RUSC2: variants seen among roughly 807,000 people sequenced by gnomAD.
The protein encoded by RUSC2 is AP-4 complex accessory subunit RUSC2.
In RUSC2, 34 loss-of-function variants were observed where a neutral mutation model predicts 122.2. The observed-to-expected ratio is 0.28, with a 90% confidence interval of 0.21 to 0.37. The LOEUF is 0.37. RUSC2 is among the 10% of genes least tolerant of loss of function. The pLI, the probability that RUSC2 is intolerant of heterozygous loss-of-function variation, is 1.00. For synonymous variants in RUSC2, 784 were observed against 790.0 expected, an observed-to-expected ratio of 0.99 and a Z score of 0.13; for missense variants, 1,747 against 1,952.4, an observed-to-expected ratio of 0.89 and a Z score of 1.98.
At chr9:35,520,601 T>C (rs112416436) in intron 1 of RUSC2, among the ~76,000 whole-genome samples, 39 of 152,298 alleles carry the variant, frequency 2.6e-4, no homozygotes, top group African/African-American at 8.9e-4. Context: ...GAGTACACTT[T>C]GATTTTTGCT....
intron 1 of RUSC2, among the ~76,000 whole-genome samples, chr9:35,544,608 G>A (rs1013525449): frequency 2.0e-5 from 3 of 151,914 alleles, no homozygotes; most frequent in South Asian, 2.1e-4. Flanking sequence ...GCCCAGCCTC[G>A]TATGTCTTTT....
rs748598581 is a variant in RUSC2 at position 35,560,513 on chromosome 9, C to A, written c.3873C>A (p.Phe1291Leu). 3.1e-6 allele frequency: 5 copies of A among 1,614,078 alleles called. No homozygotes were observed. The Admixed American group carries it at 8.3e-5, about 27-fold the overall frequency. The change falls in exon 10 of 12, where the codon TTC becomes TTA. Residue 1291 changes from phenylalanine (F) to leucine (L), a missense_variant. Transcript: ENST00000361226. ...YIDGSIEGSR[F>L]PRGSSNSSSE... is the part of the protein sequence containing the mutation. The stretch of plus-strand genomic sequence containing the variant: ...ATGGCTCCATTGAGGGTTCCAGGTT[C>A]CCTCGTGGTAGCAGCAACAGCAGCA...
rs941187093 is a variant in RUSC2 at position 35,561,457 on chromosome 9, AT to A, written c.*77del. 1 of 1,308,786 alleles carries A rather than the reference AT, an allele frequency of 7.6e-7. No homozygotes were observed. Among genetic ancestry groups the A allele is most frequent in the African/African-American group, 1.5e-5 (1 of 67,624 alleles). The allele number at this position is 1,308,786 out of a possible 1,614,324, so 81.1% of individuals were successfully genotyped here. On this transcript the variant is annotated 3_prime_UTR_variant, in exon 12 of 12. Transcript: ENST00000361226. ...AGAGCCCGAGAGCCCTTCCCAAGCC[AT>A]TGGCTTGGCTGCAGAGTAGACTGAG...
At chr9:35,506,245 T>G (rs1363267718) in intron 1 of RUSC2, among the ~76,000 whole-genome samples, 3 of 152,244 alleles carry the variant, frequency 2.0e-5, no homozygotes, top group Admixed American at 2.0e-4. Context: ...TAAAAACCAC[T>G]GAATTGTATA....
At chr9:35,534,079 T>C (rs1265149306) in intron 1 of RUSC2, among the ~76,000 whole-genome samples, 1 of 152,194 alleles carries the variant, frequency 6.6e-6, no homozygotes, top group African/African-American at 2.4e-5. Flanking sequence ...CCCTCAGCAA[T>C]GTGTGAGGGT....
intron 1 of RUSC2, among the ~76,000 whole-genome samples, chr9:35,535,403 A>G (rs1234274947): frequency 6.8e-6 from 1 of 147,550 alleles, no homozygotes; most frequent in African/African-American, 2.5e-5. Flanking sequence ...GGCATTAGCC[A>G]CCGCTCCCGG....
rs1160086617 is a variant in RUSC2, at chr9:35,558,917, C to G, written c.3342-309C>G. ...CACCTTGGGACCCACATCCTAGTAA[C>G]ATGCTTTCTCAGGTATGGGCCCAGG... On this transcript the variant is annotated intron_variant, in intron 8 of 11. Transcript: ENST00000361226. The surrounding 1 kb of genome is among the most constrained non-coding windows in gnomAD (Gnocchi z 4.3). 2.0e-5 allele frequency among the ~76,000 whole-genome samples: 3 copies of G among 152,378 alleles called. No individual in the cohort carries two copies. In the East Asian group the frequency reaches 5.8e-4, roughly 29 times the overall value.
At chr9:35,543,686 C>G (rs992604302) in intron 1 of RUSC2, among the ~76,000 whole-genome samples, 2 of 152,126 alleles carry the variant, frequency 1.3e-5, no homozygotes, top group Admixed American at 6.5e-5. Flanking sequence ...CCAGGCTGGT[C>G]TTGAACTCTT....
intron 5 of RUSC2, 97 bp downstream of exon 5, chr9:35,556,545 C>CTGGGCCCTCTAAGTGCTGGA: frequency 3.0e-6 from 4 of 1,331,136 alleles, no homozygotes; most frequent in South Asian, 1.4e-5. Context: ...TAAGTGCTGG[C>CTGGGCCCTCTAAGTGCTGGA]TGGGCCCAGT....
chr9:35,552,943 A>T (rs1821931672), intron 2 of RUSC2, among the ~76,000 whole-genome samples: 2 of 152,318 alleles, frequency 1.3e-5, no homozygotes, highest in East Asian at 3.9e-4. Flanking sequence ...GAGGAGTTTT[A>T]AAAGGGTAGG....
chr9:35,493,193 A>G (rs1388354895), intron 1 of RUSC2, among the ~76,000 whole-genome samples: 1 of 152,086 alleles, frequency 6.6e-6, no homozygotes, highest in African/African-American at 2.4e-5. Flanking sequence ...GTGTTTATAC[A>G]TTCCCATCAT....
intron 1 of RUSC2, among the ~76,000 whole-genome samples, chr9:35,543,925 G>A (rs963068991): frequency 6.6e-6 from 1 of 152,210 alleles, no homozygotes; most frequent in Non-Finnish European, 1.5e-5. Context: ...TTGTGTACAA[G>A]CTTTAGTGTG....
In RUSC2 at chr9:35,550,140, A is replaced by G. The variant is rs560039895; in HGVS notation, c.2014+1605A>G. ...GGCAGGAGAATCACTTGAATCTGGGATGGAGATTGCAGTGAGCCGAGATCA... is the reference window on the plus strand; with the variant it reads ...GGCAGGAGAATCACTTGAATCTGGGGTGGAGATTGCAGTGAGCCGAGATCA... On this transcript the variant is annotated intron_variant, in intron 2 of 11. Transcript: ENST00000361226. Among the ~76,000 whole-genome samples, 3 of 151,542 alleles carry G rather than the reference A, an allele frequency of 2.0e-5. No individual in the cohort carries two copies. The East Asian group carries it at 5.9e-4, about 30-fold the overall frequency.
At position 35,555,057 on chromosome 9, in the gene RUSC2, CAGG is replaced by C; in HGVS notation, c.2015-2_2015del. 1 of 1,610,756 alleles carries C rather than the reference CAGG, an allele frequency of 6.2e-7. No homozygotes were observed. The highest frequency in any genetic ancestry group is 8.5e-7 in the Non-Finnish European group (1 of 1,179,954). ...TGATTTCTTCTCCATCCCTTTGCTACAGGGGGTGGCACCGAGAGCCGACCAGTC... is the reference window on the plus strand; with the variant it reads ...TGATTTCTTCTCCATCCCTTTGCTACGGGTGGCACCGAGAGCCGACCAGTC... On this transcript the variant is annotated splice_acceptor_variant and coding_sequence_variant, in exon 3 of 12. Transcript: ENST00000361226. LOFTEE classifies it high-confidence loss of function. This position sits in a 1 kb window ranked among gnomAD's most constrained non-coding sequence, Gnocchi z 4.6.
chr9:35,550,415 C>T (rs991039186), intron 2 of RUSC2, among the ~76,000 whole-genome samples: 2 of 151,774 alleles, frequency 1.3e-5, no homozygotes, highest in Admixed American at 6.6e-5. Context: ...CACCTGAGTT[C>T]GGGAGTTCAA....
rs1000616324 is a variant in RUSC2 at position 35,557,384 on chromosome 9, T to C, written c.2984-530T>C. ...GAGGGGTGTACATATGAGATTGTTA[T>C]GGATTTTGGAGGTAGAGGGAAGTTA... On this transcript the variant is annotated intron_variant, in intron 5 of 11. Coordinates refer to ENST00000361226, the MANE Select transcript of RUSC2 (RefSeq NM_014806.5). This position sits in a 1 kb window ranked among gnomAD's most constrained non-coding sequence, Gnocchi z 4.6. 5.3e-5 allele frequency among the ~76,000 whole-genome samples: 8 copies of C among 152,000 alleles called. No homozygotes were observed. Among genetic ancestry groups the C allele is most frequent in the Non-Finnish European group, 4.4e-5 (3 of 67,992 alleles).
rs373335923 is a variant in RUSC2 at position 35,560,444 on chromosome 9, C to T, written c.3804C>T (p.Ala1268=). ...GRARWARGGQ[A]GWWYQLMQSS... ...CCAGGTGGGCCCGAGGTGGGCAGGC[C>T]GGCTGGTGGTACCAGCTCATGCAGA... is the stretch of plus-strand genomic sequence containing the variant. The change falls in exon 10 of 12, where the codon GCC becomes GCT. Residue 1268 remains alanine, a synonymous_variant. Transcript: ENST00000361226. The T allele has an allele frequency of 7.0e-5, 113 of 1,614,200 alleles. No individual in the cohort carries two copies. The African/African-American group carries it at 9.5e-4, about 14-fold the overall frequency.
chr9:35,495,698 A>T lies in RUSC2; in HGVS notation c.-93+5526A>T, dbSNP rs1820697454. On this transcript the variant is annotated intron_variant, in intron 1 of 11. Transcript: ENST00000361226. Reference sequence around the variant, plus strand: ...AATTTTAGGATGGATTTTACTATTTATGCAAAAAACATTGTTGGGATTTTG... The same window carrying T: ...AATTTTAGGATGGATTTTACTATTTTTGCAAAAAACATTGTTGGGATTTTG... Among the ~76,000 whole-genome samples, 3 of 152,144 alleles carry T rather than the reference A, an allele frequency of 2.0e-5. No individual in the cohort carries two copies. In the South Asian group the frequency reaches 6.2e-4, roughly 31 times the overall value.
chr9:35,538,877 G>GCAGCAC (rs1821582126), intron 1 of RUSC2: 1 of 152,630 alleles, frequency 6.6e-6, no homozygotes, highest in East Asian at 1.9e-4. Context: ...CAACGTCACC[G>GCAGCAC]CAGCACCAGC....
Sources: allele counts gnomAD v4.1 joint callset (sites outside exome capture counted in the v4.1 genomes callset), GRCh38; gene constraint gnomAD v4.1.1; non-coding constraint Gnocchi (gnomAD v3.1); transcripts MANE v1.5; gene names NCBI Gene and HGNC (gene_info 2026-07-23, HGNC 2026-07-21).